PRKG1: variants seen among roughly 807,000 people sequenced by gnomAD.
PRKG1 encodes protein kinase cGMP-dependent 1.
In PRKG1, 35 loss-of-function variants were observed where a neutral mutation model predicts 88.1. The ratio of observed to expected loss-of-function variants is 0.40; its 90% CI spans 0.30 to 0.53. The LOEUF (loss-of-function observed/expected upper bound fraction) is 0.53, where lower values mean the gene tolerates loss of function less well. Ranked by LOEUF, PRKG1 falls within the 20% of genes least tolerant of loss-of-function variation. The pLI is 0.59. For synonymous variants in PRKG1, 303 were observed against 292.5 expected (o/e 1.04, Z -0.37); for missense variants, 540 against 839.8 (o/e 0.64, Z 4.41).
chr10:51,899,053 C>T (rs568702101), intron 4 of PRKG1, among the ~76,000 whole-genome samples: 214 of 152,198 alleles, frequency 1.4e-3, no homozygotes, highest in Non-Finnish European at 2.1e-3. Context: ...AAGCTCTATT[C>T]ACAATTGTAA....
At chr10:51,103,017 C>A (rs1023273764) in intron 1 of PRKG1, among the ~76,000 whole-genome samples, 38 of 151,798 alleles carry the variant, frequency 2.5e-4, no homozygotes, top group African/African-American at 8.0e-4. Flanking sequence ...TGGCAGAGCA[C>A]AAAACCAGCT....
At chr10:51,124,478 T>G (rs766758352) in intron 1 of PRKG1, among the ~76,000 whole-genome samples, 1 of 152,212 alleles carries the variant, frequency 6.6e-6, no homozygotes, top group South Asian at 2.1e-4. Flanking sequence ...TTTAGGAAAG[T>G]TGACCCATGT....
intron 3 of PRKG1, among the ~76,000 whole-genome samples, chr10:51,717,324 G>A (rs1841910307): frequency 6.6e-6 from 1 of 152,174 alleles, no homozygotes; most frequent in Admixed American, 6.5e-5. Flanking sequence ...AACTGTTTGG[G>A]AATTAGCTTT....
At chr10:51,917,195 T>A (rs2132969777) in intron 5 of PRKG1, among the ~76,000 whole-genome samples, 1 of 152,052 alleles carries the variant, frequency 6.6e-6, no homozygotes, top group East Asian at 1.9e-4. Flanking sequence ...GGCACATGCC[T>A]GTAGTCCTAC....
At chr10:51,597,633 T>C (rs1294890388) in intron 3 of PRKG1, among the ~76,000 whole-genome samples, 1 of 152,196 alleles carries the variant, frequency 6.6e-6, no homozygotes, top group Non-Finnish European at 1.5e-5. Context: ...CTATTTACAC[T>C]TCAGAAGCTT....
intron 2 of PRKG1, among the ~76,000 whole-genome samples, chr10:51,297,755 T>TG (rs1199446681): frequency 1.3e-5 from 2 of 152,270 alleles, no homozygotes; most frequent in East Asian, 3.9e-4. Context: ...CTTTGCCATA[T>TG]GTCTCTTTTT....
chr10:52,277,388 GT>G (rs1232349437), intron 12 of PRKG1, among the ~76,000 whole-genome samples: 1 of 152,118 alleles, frequency 6.6e-6, no homozygotes, highest in African/African-American at 2.4e-5. Flanking sequence ...TCTATACTAT[GT>G]TAGTTAATTT....
At chr10:51,116,247 T>C (rs77984619) in intron 1 of PRKG1, among the ~76,000 whole-genome samples, 1,937 of 152,298 alleles carry the variant, frequency 0.013, 20 homozygotes, top group Middle Eastern at 0.024. Context: ...ATATAAGCAC[T>C]CTGCCCCTCT....
chr10:51,314,637 G>C (rs1301678695), intron 2 of PRKG1, among the ~76,000 whole-genome samples: 1 of 152,078 alleles, frequency 6.6e-6, no homozygotes, highest in Non-Finnish European at 1.5e-5. Context: ...TAGGAAACTT[G>C]GATAACTACT....
chr10:52,113,053 A>T (rs1265778722), intron 7 of PRKG1, among the ~76,000 whole-genome samples: 2 of 152,124 alleles, frequency 1.3e-5, no homozygotes, highest in Non-Finnish European at 2.9e-5. Flanking sequence ...AAGCTTCTTT[A>T]TCTGTCAAAG....
rs1839256544 is a variant in PRKG1 at position 51,804,568 on chromosome 10, C to G, written c.593-17C>G. On this transcript the variant is annotated splice_polypyrimidine_tract_variant and intron_variant, in intron 3 of 17. Transcript: ENST00000373980. ...GATTAATTTTTCCCTGTTTGTTTCT[C>G]TTTTATTTTTCTCCAGCTCTTGTAA... 17 of 1,530,802 alleles carry G rather than the reference C, an allele frequency of 1.1e-5. No homozygotes were observed. Among genetic ancestry groups the G allele is most frequent in the African/African-American group, 2.7e-5 (2 of 72,836 alleles). The allele number at this position is 1,530,802 out of a possible 1,614,324, so 94.8% of individuals were successfully genotyped here. A position where few individuals can be genotyped will look rare whatever the true frequency, so the allele number is the denominator to read the frequency against.
chr10:52,073,337 G>C (rs766536946), intron 7 of PRKG1, among the ~76,000 whole-genome samples: 11 of 152,096 alleles, frequency 7.2e-5, no homozygotes, highest in Non-Finnish European at 1.0e-4. Flanking sequence ...TCTTTTGGGA[G>C]GGCACAAATC....
chr10:51,460,390 T>C (rs1839715045), intron 2 of PRKG1, among the ~76,000 whole-genome samples: 1 of 152,186 alleles, frequency 6.6e-6, no homozygotes, highest in Non-Finnish European at 1.5e-5. Flanking sequence ...AAGGTGCTCA[T>C]GTATTATAGA....
chr10:51,873,130 C>T (rs1390233417), intron 4 of PRKG1, among the ~76,000 whole-genome samples: 1 of 152,028 alleles, frequency 6.6e-6, no homozygotes, highest in Non-Finnish European at 1.5e-5. Context: ...TTGAAGAGAT[C>T]CAGTCCTTCT....
rs192046542 is a variant in PRKG1, at chr10:51,444,072, C to A, written c.479-23651C>A. Among the ~76,000 whole-genome samples the A allele has an allele frequency of 4.0e-5, 6 of 150,524 alleles. No homozygotes were observed. In the East Asian group the frequency reaches 1.2e-3, roughly 29 times the overall value. ...AAAAAATGCTTTCTTACATAAAGAA[C>A]CATGATCAGAGGAGGAAAAAAGAGA... On this transcript the variant is annotated intron_variant, in intron 2 of 17. Coordinates refer to ENST00000373980, the MANE Select transcript of PRKG1 (RefSeq NM_006258.4).
intron 4 of PRKG1, among the ~76,000 whole-genome samples, chr10:51,854,170 C>T (rs1840624088): frequency 6.6e-6 from 1 of 152,032 alleles, no homozygotes; most frequent in Admixed American, 6.6e-5. Flanking sequence ...ATTTGGTCAA[C>T]AGGCATTATT....
At chr10:52,078,824 A>T (rs886445498) in intron 7 of PRKG1, among the ~76,000 whole-genome samples, 2 of 152,250 alleles carry the variant, frequency 1.3e-5, no homozygotes, top group Admixed American at 6.5e-5. Flanking sequence ...ATTTTATTTA[A>T]AGTAGCAAGA....
At chr10:51,468,421 C>T (rs1839963270) in intron 3 of PRKG1, among the ~76,000 whole-genome samples, 2 of 151,822 alleles carry the variant, frequency 1.3e-5, no homozygotes, top group South Asian at 4.1e-4. Context: ...AATAAAGCAG[C>T]TTGTTTCCCT....
At position 52,256,903 on chromosome 10, in the gene PRKG1, C is replaced by T. The variant is rs986884557; in HGVS notation, c.1173+5237C>T. Among the ~76,000 whole-genome samples the T allele has an allele frequency of 1.4e-5, 2 of 138,946 alleles. 1 individual carries two copies. The highest frequency in any genetic ancestry group is 3.3e-5 in the Non-Finnish European group (2 of 61,496). The allele number at this position is 138,946 out of a possible 152,430, so 91.2% of individuals were successfully genotyped here. A position where few individuals can be genotyped will look rare whatever the true frequency, so the allele number is the denominator to read the frequency against. On this transcript the variant is annotated intron_variant, in intron 10 of 17. Transcript: ENST00000373980. Reference sequence around the variant, plus strand: ...ATTTTCAATATCCCTTATGCTGAACCTGTGTGCCCCTGAAGTAGCCTGCTT... The same window carrying T: ...ATTTTCAATATCCCTTATGCTGAACTTGTGTGCCCCTGAAGTAGCCTGCTT...
Sources: allele counts gnomAD v4.1 joint callset (sites outside exome capture counted in the v4.1 genomes callset), GRCh38; gene constraint gnomAD v4.1.1; transcripts MANE v1.5; gene names NCBI Gene and HGNC (gene_info 2026-07-23, HGNC 2026-07-21).